COL25A1: variants seen among roughly 807,000 people sequenced by gnomAD.
COL25A1 encodes the protein collagen alpha-1(XXV) chain.
COL25A1 carries 103 observed loss-of-function variants against 128.4 expected under a neutral mutation model. That is an observed-to-expected ratio of 0.80 (90% CI 0.68 to 0.94). COL25A1 has a LOEUF of 0.94. Among genes scored for constraint, COL25A1 ranks in the 40% least tolerant of loss-of-function variants. COL25A1 has a pLI of 0.00. For synonymous variants in COL25A1, 279 were observed against 277.2 expected (o/e 1.01, Z -0.06); for missense variants, 745 against 840.0 (o/e 0.89, Z 1.40).
intron 11 of COL25A1, among the ~76,000 whole-genome samples, chr4:108,924,999 G>A (rs1410152265): frequency 6.6e-6 from 1 of 152,118 alleles, no homozygotes; most frequent in Admixed American, 6.6e-5. Context: ...AATCATAATT[G>A]TCTGGTTACT....
At chr4:108,827,511 C>A (rs1732531204) in intron 32 of COL25A1, among the ~76,000 whole-genome samples, 1 of 152,122 alleles carries the variant, frequency 6.6e-6, no homozygotes, top group African/African-American at 2.4e-5. Flanking sequence ...TTGTTAGCAC[C>A]TTTAAATGTA....
At chr4:109,138,029 C>A (rs1769977516) in intron 3 of COL25A1, among the ~76,000 whole-genome samples, 1 of 108,930 alleles carries the variant, frequency 9.2e-6, no homozygotes, top group South Asian at 3.6e-4. Context: ...GATACATGTG[C>A]AGAACATGCA....
intron 5 of COL25A1, among the ~76,000 whole-genome samples, chr4:109,019,059 G>C (rs1757461066): frequency 1.3e-5 from 2 of 152,076 alleles, no homozygotes; most frequent in Non-Finnish European, 2.9e-5. Flanking sequence ...TGCCAAAAGA[G>C]AATAACATTT....
At chr4:108,920,044 G>A (rs1457139114) in intron 12 of COL25A1, among the ~76,000 whole-genome samples, 1 of 152,186 alleles carries the variant, frequency 6.6e-6, no homozygotes, top group Non-Finnish European at 1.5e-5. Flanking sequence ...TTACAGGCAT[G>A]AGCCACTGTG....
intron 31 of COL25A1, 89 bp from the exon 32 acceptor site, chr4:108,832,522 C>T (rs1313469152): frequency 2.5e-6 from 2 of 793,692 alleles, no homozygotes; most frequent in Admixed American, 2.6e-5. Context: ...TGAATGGTGC[C>T]TAAGAATATC....
At chr4:109,295,086 T>C (rs1282287436) in intron 3 of COL25A1, among the ~76,000 whole-genome samples, 1 of 152,158 alleles carries the variant, frequency 6.6e-6, no homozygotes, top group Non-Finnish European at 1.5e-5. Flanking sequence ...CTAGAATGAA[T>C]TAAACTCTAT....
At chr4:109,284,889 C>CA (rs1553976261) in intron 3 of COL25A1, among the ~76,000 whole-genome samples, 2 of 148,288 alleles carry the variant, frequency 1.3e-5, no homozygotes, top group Non-Finnish European at 3.0e-5. Flanking sequence ...CAGGACTTAA[C>CA]AGCATGTATA....
intron 37 of COL25A1, 82 bp downstream of exon 37, chr4:108,817,315 G>T: frequency 8.0e-7 from 1 of 1,248,084 alleles, no homozygotes; most frequent in South Asian, 1.2e-5. Flanking sequence ...ATATCCGAAG[G>T]TCTTTTCTGA....
intron 3 of COL25A1, among the ~76,000 whole-genome samples, chr4:109,253,923 T>TA (rs1467441934): frequency 1.3e-5 from 2 of 151,904 alleles, no homozygotes; most frequent in Non-Finnish European, 2.9e-5. Flanking sequence ...CTGTCTCTAC[T>TA]AAAAATACAA....
At chr4:109,149,999 GGTGT>G (rs1160836259) in intron 3 of COL25A1, among the ~76,000 whole-genome samples, 393 of 132,290 alleles carry the variant, frequency 3.0e-3, no homozygotes, top group African/African-American at 9.4e-3. Context: ...TGTATGTGTG[GGTGT>G]GTGTGTGTGT....
intron 3 of COL25A1, among the ~76,000 whole-genome samples, chr4:109,185,658 A>G (rs1254996291): frequency 6.6e-6 from 1 of 152,222 alleles, no homozygotes; most frequent in East Asian, 1.9e-4. Flanking sequence ...ATTTGGAGAT[A>G]GGGCTTCTAA....
At chr4:109,033,789 T>C (rs1759088767) in intron 5 of COL25A1, among the ~76,000 whole-genome samples, 1 of 152,152 alleles carries the variant, frequency 6.6e-6, no homozygotes, top group African/African-American at 2.4e-5. Context: ...ACACCAAACA[T>C]CATCAATCTT....
intron 8 of COL25A1, among the ~76,000 whole-genome samples, chr4:108,957,455 T>C (rs956353940): frequency 3.9e-5 from 6 of 152,190 alleles, no homozygotes; most frequent in Admixed American, 3.9e-4. Flanking sequence ...TGAGCTTCAG[T>C]GTTTCTATAA....
intron 26 of COL25A1, among the ~76,000 whole-genome samples, chr4:108,849,014 C>T (rs1037721705): frequency 6.6e-6 from 1 of 152,066 alleles, no homozygotes; most frequent in Non-Finnish European, 1.5e-5. Context: ...TAGCTAAGAT[C>T]CAATGCTTTT....
chr4:109,090,441 A>T (rs2126007551), intron 3 of COL25A1, among the ~76,000 whole-genome samples: 1 of 152,278 alleles, frequency 6.6e-6, no homozygotes, highest in South Asian at 2.1e-4. Context: ...CAGTCATTCT[A>T]TTGCATTTAT....
chr4:109,212,389 G>A (rs886707978), intron 3 of COL25A1, among the ~76,000 whole-genome samples: 3 of 152,104 alleles, frequency 2.0e-5, no homozygotes, highest in Non-Finnish European at 4.4e-5. Context: ...TCTCTATGTG[G>A]CTTGGCATTA....
intron 3 of COL25A1, among the ~76,000 whole-genome samples, chr4:109,288,960 TATACACACACACACACACAC>T (rs1262905855): frequency 3.1e-5 from 3 of 98,252 alleles, no homozygotes; most frequent in Non-Finnish European, 6.1e-5. Context: ...CTAAATTATA[TATACACACACACACACACAC>T]ACACACACAC....
rs57842656 is a variant in COL25A1 at position 109,019,375 on chromosome 4, C to CATATATATATATATATATAT, written c.421-9020_421-9001dup. Among the ~76,000 whole-genome samples the CATATATATATATATATATAT allele has an allele frequency of 6.5e-3, 314 of 48,614 alleles. 8 individuals carry two copies. The highest frequency in any genetic ancestry group is 9.9e-3 in the South Asian group (18 of 1,810). The allele number at this position is 48,614 out of a possible 152,430, so 31.9% of individuals were successfully genotyped here. A position where few individuals can be genotyped will look rare whatever the true frequency, so the allele number is the denominator to read the frequency against. On this transcript the variant is annotated intron_variant, in intron 5 of 37. Transcript: ENST00000399132. The stretch of plus-strand genomic sequence containing the variant: ...ACACACACACACACACACACACACA[C>CATATATATATATATATATAT]ATATATATATATATATATATATATT...
chr4:108,933,021 A>G (rs1746942467), intron 11 of COL25A1, among the ~76,000 whole-genome samples: 1 of 152,232 alleles, frequency 6.6e-6, no homozygotes, highest in African/African-American at 2.4e-5. Context: ...TCATGTTTAC[A>G]GAATAGATGC....
Sources: allele counts gnomAD v4.1 joint callset (sites outside exome capture counted in the v4.1 genomes callset), GRCh38; gene constraint gnomAD v4.1.1; transcripts MANE v1.5; gene names NCBI Gene and HGNC (gene_info 2026-07-23, HGNC 2026-07-21).